RPS6KA2: variants seen among roughly 807,000 people sequenced by gnomAD.
The protein encoded by RPS6KA2 is ribosomal protein S6 kinase alpha-2.
Under a neutral mutation model 91.8 loss-of-function variants are expected in RPS6KA2, and 42 were observed. The ratio of observed to expected loss-of-function variants is 0.46; its 90% CI spans 0.36 to 0.59. The LOEUF is 0.59. Ranked by LOEUF, RPS6KA2 falls within the 20% of genes least tolerant of loss-of-function variation. The pLI is 0.00. For synonymous variants in RPS6KA2, 414 were observed against 393.6 expected, an observed-to-expected ratio of 1.05 and a Z score of -0.61; for missense variants, 798 against 978.5, an observed-to-expected ratio of 0.82 and a Z score of 2.46.
chr6:166,702,121 A>G, intron 2 of RPS6KA2: 1 of 1,537,038 alleles, frequency 6.5e-7, no homozygotes, highest in Non-Finnish European at 9.0e-7. Flanking sequence ...CAGCCCCTGC[A>G]TTTTCTTTAC....
chr6:166,790,386 A>ATAGG (rs1779052170), intron 2 of RPS6KA2, among the ~76,000 whole-genome samples: 1 of 152,250 alleles, frequency 6.6e-6, no homozygotes, highest in Non-Finnish European at 1.5e-5. Flanking sequence ...TCTACATCAG[A>ATAGG]TAGGTGTACC....
intron 11 of RPS6KA2, among the ~76,000 whole-genome samples, chr6:166,468,856 T>TCCATCTCCAAAAAAAAAAAAAA (rs567161437): frequency 8.9e-6 from 1 of 112,184 alleles, no homozygotes; most frequent in African/African-American, 3.9e-5. Context: ...AGAGCGAGAC[T>TCCATCTCCAAAAAAAAAAAAAA]AAAAAAAAAA....
At chr6:166,611,464 C>T (rs575826562) in intron 1 of RPS6KA2, among the ~76,000 whole-genome samples, 1 of 152,232 alleles carries the variant, frequency 6.6e-6, no homozygotes, top group Non-Finnish European at 1.5e-5. Flanking sequence ...ACATTGGATT[C>T]CAATTCCTCA....
intron 2 of RPS6KA2, among the ~76,000 whole-genome samples, chr6:166,850,393 T>C (rs1359215680): frequency 1.3e-5 from 2 of 152,130 alleles, no homozygotes; most frequent in Non-Finnish European, 2.9e-5. Context: ...CCATCTAGGA[T>C]TAATAAAATA....
intron 5 of RPS6KA2, among the ~76,000 whole-genome samples, chr6:166,505,297 GC>G (rs1583216106): frequency 6.6e-6 from 1 of 152,114 alleles, no homozygotes; most frequent in East Asian, 1.9e-4. Context: ...GGCAGGGATG[GC>G]CTAAGTGTCC....
intron 5 of RPS6KA2, among the ~76,000 whole-genome samples, chr6:166,506,308 G>A (rs1001624133): frequency 2.0e-5 from 3 of 152,198 alleles, no homozygotes; most frequent in South Asian, 4.1e-4. Flanking sequence ...TCCCACGTGG[G>A]GAGCTGCAGG....
At chr6:166,438,249 G>A (rs1054030542) in intron 14 of RPS6KA2, among the ~76,000 whole-genome samples, 1 of 152,222 alleles carries the variant, frequency 6.6e-6, no homozygotes, top group South Asian at 2.1e-4. Flanking sequence ...CTCTATTCAT[G>A]CCGAACATCT....
chr6:166,803,719 G>T (rs930973405), intron 2 of RPS6KA2, among the ~76,000 whole-genome samples: 1 of 152,142 alleles, frequency 6.6e-6, no homozygotes, highest in African/African-American at 2.4e-5. Flanking sequence ...TTGTGCCTGT[G>T]TTATTCACAC....
rs1171701793 is a variant in RPS6KA2 at position 166,418,261 on chromosome 6, A to G, written c.1902T>C (p.Ser634=). ...ARIGSGKYAL[S]GGNWDSISDA... ...CAGATATCGAGTCCCAGTTTCCCCC[A>G]GAAAGGGCATACTTCCCACTGCCGA... The change falls in exon 19 of 21, where the codon TCT becomes TCC. Residue 634 remains serine, a synonymous_variant. Coordinates refer to ENST00000265678, the MANE Select transcript of RPS6KA2 (RefSeq NM_021135.6). This position sits in a 1 kb window ranked among gnomAD's most constrained non-coding sequence, Gnocchi z 4.9. The G allele has an allele frequency of 6.2e-7, 1 of 1,613,928 alleles. No individual in the cohort carries two copies. The highest frequency in any genetic ancestry group is 8.5e-7 in the Non-Finnish European group (1 of 1,179,876).
At position 166,494,140 on chromosome 6, in the gene RPS6KA2, G is replaced by C. The variant is rs966376489; in HGVS notation, c.748-3399C>G. The stretch of plus-strand genomic sequence containing the variant: ...GACCTGAGATGGATGACTTGAAGTG[G>C]TAGAGGGCCTGGCTTTGCAGGGTAT... On this transcript the variant is annotated intron_variant, in intron 8 of 20. Coordinates refer to ENST00000265678, the MANE Select transcript of RPS6KA2 (RefSeq NM_021135.6). The surrounding 1 kb of genome is among the most constrained non-coding windows in gnomAD (Gnocchi z 5.1). 2.6e-4 allele frequency among the ~76,000 whole-genome samples: 40 copies of C among 152,332 alleles called. No homozygotes were observed. The highest frequency in any genetic ancestry group is 9.1e-4 in the African/African-American group (38 of 41,572).
At chr6:166,497,043 A>G (rs1781810872) in intron 8 of RPS6KA2, among the ~76,000 whole-genome samples, 1 of 152,184 alleles carries the variant, frequency 6.6e-6, no homozygotes, top group South Asian at 2.1e-4. Flanking sequence ...CGAGGCAGAA[A>G]TCACCTCCAA....
chr6:166,697,813 C>G (rs1037761584), intron 2 of RPS6KA2, among the ~76,000 whole-genome samples: 2 of 152,208 alleles, frequency 1.3e-5, no homozygotes, highest in African/African-American at 2.4e-5. Flanking sequence ...GACTAAGCAA[C>G]ATGGATGGAT....
intron 12 of RPS6KA2, among the ~76,000 whole-genome samples, chr6:166,451,937 T>C (rs1779929775): frequency 1.3e-5 from 2 of 152,138 alleles, no homozygotes; most frequent in Admixed American, 6.5e-5. Flanking sequence ...ATCTGCATCA[T>C]ACATAACAGA....
intron 16 of RPS6KA2, among the ~76,000 whole-genome samples, chr6:166,429,856 A>C (rs901508004): frequency 1.3e-5 from 2 of 152,178 alleles, no homozygotes; most frequent in African/African-American, 4.8e-5. Flanking sequence ...TGCACATGTT[A>C]ATAAACTTCT....
chr6:166,729,358 TTC>T (rs2128588171), intron 2 of RPS6KA2, among the ~76,000 whole-genome samples: 1 of 152,340 alleles, frequency 6.6e-6, no homozygotes, highest in South Asian at 2.1e-4. Context: ...TTCTTTCTCT[TTC>T]TGTGTGTGAT....
intron 2 of RPS6KA2, among the ~76,000 whole-genome samples, chr6:166,696,663 G>A (rs1746484787): frequency 6.6e-6 from 1 of 152,186 alleles, no homozygotes; most frequent in African/African-American, 2.4e-5. Flanking sequence ...TATTCTGGGA[G>A]GAGACGAACA....
chr6:166,830,393 G>A (rs537178418), intron 2 of RPS6KA2, among the ~76,000 whole-genome samples: 1 of 152,284 alleles, frequency 6.6e-6, no homozygotes, highest in South Asian at 2.1e-4. Context: ...AACAGGCAGA[G>A]AGTTTCAGTG....
At chr6:166,498,737 G>T (rs540313672) in intron 7 of RPS6KA2, 87 bp from the exon 8 acceptor site, 1 of 1,533,964 alleles carries the variant, frequency 6.5e-7, no homozygotes. Flanking sequence ...GTCCTTCTGT[G>T]GGCTCTGCCC....
intron 2 of RPS6KA2, among the ~76,000 whole-genome samples, chr6:166,842,743 A>C (rs1683087246): frequency 6.6e-6 from 1 of 152,202 alleles, no homozygotes; most frequent in Admixed American, 6.5e-5. Flanking sequence ...TTAAAAATAC[A>C]GACAGGGAAA....
Sources: allele counts gnomAD v4.1 joint callset (sites outside exome capture counted in the v4.1 genomes callset), GRCh38; gene constraint gnomAD v4.1.1; non-coding constraint Gnocchi (gnomAD v3.1); transcripts MANE v1.5; gene names NCBI Gene and HGNC (gene_info 2026-07-23, HGNC 2026-07-21).